DLC1: variants seen among roughly 807,000 people sequenced by gnomAD.
DLC1 encodes the protein rho GTPase-activating protein 7.
In DLC1, 54 loss-of-function variants were observed where a neutral mutation model predicts 140.3. The ratio of observed to expected loss-of-function variants is 0.38; its 90% CI spans 0.31 to 0.48. The LOEUF (loss-of-function observed/expected upper bound fraction) is 0.48. DLC1 is among the 20% of genes least tolerant of loss of function. DLC1 has a pLI of 0.96. For synonymous variants in DLC1, 986 were observed against 728.1 expected, an observed-to-expected ratio of 1.35 and a Z score of -5.70; for missense variants, 2,536 against 1,907.0, an observed-to-expected ratio of 1.33 and a Z score of -6.14.
chr8:13,429,897 A>G (rs984893706), intron 2 of DLC1, among the ~76,000 whole-genome samples: 1 of 152,190 alleles, frequency 6.6e-6, no homozygotes, highest in African/African-American at 2.4e-5. Flanking sequence ...TTAAATCCAC[A>G]TTTGTTTTTG....
chr8:13,597,930 T>A lies in DLC1; in HGVS notation c.-126+6607A>T, dbSNP rs376143906. The stretch of plus-strand genomic sequence containing the variant: ...TGCAACAACTAAATTTAGTCACCGC[T>A]TTATGGGATGCAGATGTGAATAATT... On this transcript the variant is annotated intron_variant, in intron 1 of 1. Transcript: ENST00000631382. 2.6e-5 allele frequency among the ~76,000 whole-genome samples: 4 copies of A among 152,156 alleles called. No homozygotes were observed. In the East Asian group the frequency reaches 7.7e-4, roughly 29 times the overall value.
intron 4 of DLC1, among the ~76,000 whole-genome samples, chr8:13,365,174 G>T (rs766130022): frequency 6.6e-6 from 1 of 152,154 alleles, no homozygotes; most frequent in Non-Finnish European, 1.5e-5. Flanking sequence ...TGCACAGGTC[G>T]AGAGAATACC....
At chr8:13,432,135 A>G (rs747160467) in intron 2 of DLC1, among the ~76,000 whole-genome samples, 1 of 152,224 alleles carries the variant, frequency 6.6e-6, no homozygotes, top group African/African-American at 2.4e-5. Flanking sequence ...AAATCACACA[A>G]TTTCAACATC....
chr8:13,213,445 C>A (rs527313256), intron 5 of DLC1, among the ~76,000 whole-genome samples: 109 of 152,222 alleles, frequency 7.2e-4, no homozygotes, highest in African/African-American at 2.5e-3. Context: ...TTTCAGAGAA[C>A]CCATAAATTA....
At position 13,567,772 on chromosome 8, in the gene DLC1, A is replaced by C. The variant is rs1048620835; in HGVS notation, c.-126+36765T>G. On this transcript the variant is annotated intron_variant, in intron 1 of 1. Transcript: ENST00000631382. ...CAGGCTTTCAGATGACCCCAGAATA[A>C]TCTGGAAAAGACTGACTGAGAAAAG... 8 of 1,551,976 alleles carry C rather than the reference A, an allele frequency of 5.2e-6. No homozygotes were observed. The African/African-American group carries it at 6.8e-5, about 13-fold the overall frequency.
At chr8:13,484,575 G>A (rs905565934) in intron 2 of DLC1, among the ~76,000 whole-genome samples, 1 of 152,056 alleles carries the variant, frequency 6.6e-6, no homozygotes, top group Non-Finnish European at 1.5e-5. Context: ...GGATGGAACC[G>A]AACACGAGTG....
intron 1 of DLC1, among the ~76,000 whole-genome samples, chr8:13,602,282 C>G (rs953522670): frequency 3.3e-5 from 5 of 150,644 alleles, no homozygotes; most frequent in Non-Finnish European, 7.4e-5. Flanking sequence ...GAATCTCAAA[C>G]AATCAATCAA....
intron 5 of DLC1, among the ~76,000 whole-genome samples, chr8:13,244,790 G>A (rs1829690632): frequency 6.6e-6 from 1 of 151,938 alleles, no homozygotes; most frequent in Non-Finnish European, 1.5e-5. Context: ...TTATAGTTTC[G>A]ACATATTTGT....
chr8:13,464,766 T>TATATA (rs1563370459), intron 2 of DLC1, among the ~76,000 whole-genome samples: 169 of 7,438 alleles, frequency 0.023, 1 homozygote, highest in Middle Eastern at 0.083. Flanking sequence ...ATATATATAT[T>TATATA]TATATATATA....
At position 13,514,831 on chromosome 8, in the gene DLC1, T is replaced by C; in HGVS notation, c.-355A>G. 2.5e-6 allele frequency: 1 copy of C among 393,644 alleles called. No individual in the cohort carries two copies. The highest frequency in any genetic ancestry group is 1.4e-4 in the South Asian group (1 of 6,996). The allele number at this position is 393,644 out of a possible 1,614,324, so 24.4% of individuals were successfully genotyped here. A position where few individuals can be genotyped will look rare whatever the true frequency, so the allele number is the denominator to read the frequency against. On this transcript the variant is annotated 5_prime_UTR_variant, in exon 1 of 18. Coordinates refer to ENST00000276297, the MANE Select transcript of DLC1 (RefSeq NM_182643.3). The stretch of plus-strand genomic sequence containing the variant: ...TCCTGTCAAGGCATTCCTAGTGACT[T>C]CTGTCTACTAAATTCAGACTGAGGT...
chr8:13,456,487 TCTCA>T (rs1799395913), intron 2 of DLC1, among the ~76,000 whole-genome samples: 1 of 152,020 alleles, frequency 6.6e-6, no homozygotes, highest in African/African-American at 2.4e-5. Flanking sequence ...TGAGACAGCA[TCTCA>T]CTCTGTCACC....
intron 4 of DLC1, among the ~76,000 whole-genome samples, chr8:13,328,830 G>GA (rs1833476445): frequency 1.3e-5 from 2 of 152,170 alleles, no homozygotes; most frequent in African/African-American, 2.4e-5. Context: ...GGAAGGAACA[G>GA]ACTCTTCCAA....
chr8:13,375,457 G>A (rs1835932239), intron 4 of DLC1, among the ~76,000 whole-genome samples: 1 of 152,174 alleles, frequency 6.6e-6, no homozygotes, highest in South Asian at 2.1e-4. Context: ...TCTGCAAACA[G>A]GGACAATTTG....
chr8:13,095,505 C>G, intron 10 of DLC1: 1 of 475,408 alleles, frequency 2.1e-6, no homozygotes, highest in Non-Finnish European at 3.8e-6. Context: ...CCAGACAGTT[C>G]TCCTGGACAG....
At chr8:13,522,659 A>AAAAT in intron 1 of DLC1, among the ~76,000 whole-genome samples, 1 of 151,996 alleles carries the variant, frequency 6.6e-6, no homozygotes, top group African/African-American at 2.4e-5. Flanking sequence ...AATAAATATA[A>AAAAT]AAATAAATAA....
chr8:13,325,066 C>T (rs191120933), intron 4 of DLC1, among the ~76,000 whole-genome samples: 3 of 152,152 alleles, frequency 2.0e-5, no homozygotes, highest in Non-Finnish European at 4.4e-5. Context: ...ACAGATATAA[C>T]AAAGGTACTG....
chr8:13,313,407 G>T (rs753541747), intron 4 of DLC1, among the ~76,000 whole-genome samples: 3 of 152,172 alleles, frequency 2.0e-5, no homozygotes, highest in African/African-American at 7.2e-5. Context: ...ATATGAACAC[G>T]TACAAGGTTT....
In DLC1 at chr8:13,097,023, T is replaced by C. The variant is rs1818553991; in HGVS notation, c.3167+1376A>G. On this transcript the variant is annotated intron_variant, in intron 10 of 17. Coordinates refer to ENST00000276297, the MANE Select transcript of DLC1 (RefSeq NM_182643.3). ...CAGATTAGGTGATATCCATGACCCA[T>C]CTAGCCTTACAGCCTACCCCTCACA... 2.6e-5 allele frequency among the ~76,000 whole-genome samples: 4 copies of C among 152,142 alleles called. No individual in the cohort carries two copies. The South Asian group carries it at 8.3e-4, about 32-fold the overall frequency.
intron 6 of DLC1, among the ~76,000 whole-genome samples, chr8:13,111,898 G>A (rs1820142353): frequency 6.6e-6 from 1 of 152,110 alleles, no homozygotes; most frequent in Non-Finnish European, 1.5e-5. Context: ...AATCCCAGCA[G>A]TTTGGGAGGC....
Sources: allele counts gnomAD v4.1 joint callset (sites outside exome capture counted in the v4.1 genomes callset), GRCh38; gene constraint gnomAD v4.1.1; transcripts MANE v1.5; gene names NCBI Gene and HGNC (gene_info 2026-07-23, HGNC 2026-07-21).